The following CCDC148 variants were observed in gnomAD, a reference collection of about 807,000 sequenced individuals.
CCDC148 encodes coiled-coil domain containing 148, also known as coiled-coil domain-containing protein 148.
A neutral mutation model predicts 85.7 loss-of-function variants in CCDC148; 89 were observed. The ratio of observed to expected loss-of-function variants is 1.04; its 90% CI spans 0.87 to 1.24. The LOEUF is 1.24. Ranked by LOEUF, CCDC148 falls within the 50% of genes most tolerant of loss-of-function variation. The probability of loss-of-function intolerance (pLI) is 0.00; values close to 1 mark genes in which losing one functional copy is unlikely to be tolerated. For missense variants in CCDC148, 692 were observed against 671.7 expected (o/e 1.03, Z -0.33); for synonymous variants, 230 against 213.9 (o/e 1.08, Z -0.66).
chr2:158,188,694 A>G (rs1018015499), intron 11 of CCDC148, among the ~76,000 whole-genome samples: 1 of 152,026 alleles, frequency 6.6e-6, no homozygotes, highest in Non-Finnish European at 1.5e-5. Context: ...CAAAGCATTT[A>G]TGACTAAGTC....
chr2:158,396,181 CT>C (rs1685515340), intron 1 of CCDC148, among the ~76,000 whole-genome samples: 1 of 152,068 alleles, frequency 6.6e-6, no homozygotes, highest in African/African-American at 2.4e-5. Flanking sequence ...TTTTGTTTAG[CT>C]TTTCATTTGC....
At chr2:158,182,858 C>G (rs1684970439) in intron 11 of CCDC148, among the ~76,000 whole-genome samples, 1 of 152,164 alleles carries the variant, frequency 6.6e-6, no homozygotes, top group African/African-American at 2.4e-5. Flanking sequence ...AAGCCAAATA[C>G]TCACATATTC....
intron 10 of CCDC148, among the ~76,000 whole-genome samples, chr2:158,235,444 A>G (rs1559006468): frequency 6.6e-6 from 1 of 152,206 alleles, no homozygotes; most frequent in Non-Finnish European, 1.5e-5. Flanking sequence ...AAAGGCTGGT[A>G]CAATCTCATA....
intron 1 of CCDC148, among the ~76,000 whole-genome samples, chr2:158,404,609 T>G (rs1241383374): frequency 6.6e-6 from 1 of 152,200 alleles, no homozygotes; most frequent in Admixed American, 6.6e-5. Context: ...TAAAACATCC[T>G]TAACCATTTT....
intron 1 of CCDC148, among the ~76,000 whole-genome samples, chr2:158,389,154 T>G (rs1685204503): frequency 6.6e-6 from 1 of 152,186 alleles, no homozygotes; most frequent in Non-Finnish European, 1.5e-5. Context: ...CACAAAGTAT[T>G]TAAATTCTCA....
intron 9 of CCDC148, among the ~76,000 whole-genome samples, chr2:158,300,183 T>C (rs569695154): frequency 1.3e-5 from 2 of 152,360 alleles, no homozygotes; most frequent in South Asian, 4.1e-4. Context: ...ACAGCAAGTT[T>C]CCTGAGAAAT....
chr2:158,344,097 ATC>A (rs1682874625), intron 3 of CCDC148, among the ~76,000 whole-genome samples: 1 of 152,122 alleles, frequency 6.6e-6, no homozygotes, highest in South Asian at 2.1e-4. Context: ...TTGAATTTGA[ATC>A]AGTGAACACC....
intron 10 of CCDC148, among the ~76,000 whole-genome samples, chr2:158,228,150 T>C (rs36042703): frequency 0.36 from 54,303 of 151,982 alleles, 11,542 homozygotes; most frequent in South Asian, 0.6. Context: ...GGGCAAAAGA[T>C]ATGAACAGAC....
At chr2:158,377,413 G>T (rs972176811) in intron 1 of CCDC148, among the ~76,000 whole-genome samples, 1 of 151,986 alleles carries the variant, frequency 6.6e-6, no homozygotes, top group African/African-American at 2.4e-5. Context: ...ACATGAAATA[G>T]TCATTAACAT....
At chr2:158,238,414 C>T (rs186227571) in intron 10 of CCDC148, among the ~76,000 whole-genome samples, 1 of 152,044 alleles carries the variant, frequency 6.6e-6, no homozygotes, top group Non-Finnish European at 1.5e-5. Flanking sequence ...TGGAAATTCT[C>T]TTCTTGTGAA....
At chr2:158,389,579 C>T (rs144047558) in intron 1 of CCDC148, among the ~76,000 whole-genome samples, 9 of 152,284 alleles carry the variant, frequency 5.9e-5, no homozygotes, top group African/African-American at 1.4e-4. Flanking sequence ...CTTCATCTTT[C>T]TTCATTTTAA....
rs554130887 is a variant in CCDC148, at chr2:158,287,340, C to T, written c.1110+22093G>A. 6.6e-5 allele frequency among the ~76,000 whole-genome samples: 10 copies of T among 152,244 alleles called. No homozygotes were observed. The South Asian group carries it at 2.1e-3, about 32-fold the overall frequency. On this transcript the variant is annotated intron_variant, in intron 9 of 13. Coordinates refer to ENST00000283233, the MANE Select transcript of CCDC148 (RefSeq NM_138803.4). The stretch of plus-strand genomic sequence containing the variant: ...CCTTTCCAATAGTTCCCCAAAGTCT[C>T]AGCTCATTTCAGCATTAACCCAAAA...
At chr2:158,222,695 A>AG (rs1687253190) in intron 10 of CCDC148, among the ~76,000 whole-genome samples, 1 of 152,154 alleles carries the variant, frequency 6.6e-6, no homozygotes, top group African/African-American at 2.4e-5. Flanking sequence ...TGTCTGTTTC[A>AG]GGCCATTATG....
chr2:158,265,464 A>T lies in CCDC148; in HGVS notation c.1111-14552T>A, dbSNP rs530309042. 2.0e-5 allele frequency among the ~76,000 whole-genome samples: 3 copies of T among 152,262 alleles called. No individual in the cohort carries two copies. In the South Asian group the frequency reaches 6.2e-4, roughly 32 times the overall value. On this transcript the variant is annotated intron_variant, in intron 9 of 13. Coordinates refer to ENST00000283233, the MANE Select transcript of CCDC148 (RefSeq NM_138803.4). ...CCCATGGAAGCTTTAATCTTCACAC[A>T]AGGGGAAATTTTAATCTTCGAATAC...
At chr2:158,443,239 G>GGGGTGGGAGGATCTCTTGGGAGTCCA (rs1246051685) in intron 1 of CCDC148, among the ~76,000 whole-genome samples, 7 of 151,854 alleles carry the variant, frequency 4.6e-5, no homozygotes, top group Non-Finnish European at 8.8e-5. Flanking sequence ...TTTGGGAGTC[G>GGGGTGGGAGGATCTCTTGGGAGTCCA]GGGTGGGAGG....
chr2:158,434,137 G>T (rs62184122), intron 1 of CCDC148, among the ~76,000 whole-genome samples: 5 of 152,142 alleles, frequency 3.3e-5, no homozygotes, highest in African/African-American at 1.2e-4. Flanking sequence ...CTCCCAGCAC[G>T]CAGCTTGAGA....
At chr2:158,414,717 T>G (rs1431361365) in intron 1 of CCDC148, among the ~76,000 whole-genome samples, 1 of 152,076 alleles carries the variant, frequency 6.6e-6, no homozygotes, top group Non-Finnish European at 1.5e-5. Context: ...ATGTGAGGCA[T>G]GAATGAAGTA....
chr2:158,419,951 T>C (rs993278185), intron 1 of CCDC148: 2 of 152,050 alleles, frequency 1.3e-5, no homozygotes, highest in Non-Finnish European at 2.9e-5. Context: ...ACAGAAATAG[T>C]TGCTCTGCCA....
At position 158,345,333 on chromosome 2, in the gene CCDC148, A is replaced by G. The variant is rs993235708; in HGVS notation, c.148-15T>C. 8.9e-6 allele frequency: 14 copies of G among 1,572,680 alleles called. No homozygotes were observed. The highest frequency in any genetic ancestry group is 1.1e-5 in the Non-Finnish European group (13 of 1,148,138). On this transcript the variant is annotated splice_polypyrimidine_tract_variant and intron_variant, in intron 2 of 13. Coordinates refer to ENST00000283233, the MANE Select transcript of CCDC148 (RefSeq NM_138803.4). ...GCTTTTCTGATCTAGATTTAGAGGA[A>G]CAAAAGAGGAGCAACTTCAAAGTTT...
Sources: gnomAD v4.1 joint callset for allele counts (sites outside exome capture counted in the v4.1 genomes callset) on GRCh38, gnomAD v4.1.1 for gene constraint, MANE v1.5 for transcripts, NCBI Gene and HGNC (gene_info 2026-07-23, HGNC 2026-07-21) for gene names.